SNX29: variants seen among roughly 807,000 people sequenced by gnomAD.
SNX29 encodes the protein sorting nexin-29.
SNX29 carries 78 observed loss-of-function variants against 102.1 expected under a neutral mutation model. That is an observed-to-expected ratio of 0.76 (90% confidence interval 0.64 to 0.92). The LOEUF (loss-of-function observed/expected upper bound fraction) is 0.92, where lower values mean the gene tolerates loss of function less well. SNX29 is among the 40% of genes least tolerant of loss of function. The pLI is 0.00. For synonymous variants in SNX29, 580 were observed against 414.5 expected, an observed-to-expected ratio of 1.40 and a Z score of -4.85; for missense variants, 1,280 against 1,061.7, an observed-to-expected ratio of 1.21 and a Z score of -2.86.
intron 19 of SNX29, among the ~76,000 whole-genome samples, chr16:12,510,737 C>T (rs373501451): frequency 3.9e-5 from 6 of 152,072 alleles, no homozygotes; most frequent in Non-Finnish European, 7.4e-5. Flanking sequence ...TCCCCCACCC[C>T]CCAGCTGTCC....
chr16:12,411,166 A>G (rs894730050), intron 18 of SNX29, among the ~76,000 whole-genome samples: 2 of 152,182 alleles, frequency 1.3e-5, no homozygotes, highest in African/African-American at 4.8e-5. Flanking sequence ...AGGCTGAAGC[A>G]TTTCTCTCTT....
intron 1 of SNX29, among the ~76,000 whole-genome samples, chr16:11,980,152 A>G (rs73513691): frequency 0.013 from 1,997 of 152,198 alleles, 53 homozygotes; most frequent in African/African-American, 0.045. Flanking sequence ...CTTTGTACCC[A>G]TTAGCAGTCA....
chr16:12,233,037 G>A (rs2077816880), intron 14 of SNX29, among the ~76,000 whole-genome samples: 1 of 152,210 alleles, frequency 6.6e-6, no homozygotes, highest in African/African-American at 2.4e-5. Context: ...CTGGATGAGA[G>A]ATGGAAGAGC....
At chr16:12,502,911 A>G (rs1170732519) in intron 19 of SNX29, among the ~76,000 whole-genome samples, 1 of 152,194 alleles carries the variant, frequency 6.6e-6, no homozygotes, top group Non-Finnish European at 1.5e-5. Flanking sequence ...CTGCCAGTAG[A>G]TCTTGTTATT....
At chr16:12,439,840 G>C (rs1229005466) in intron 18 of SNX29, among the ~76,000 whole-genome samples, 1 of 152,180 alleles carries the variant, frequency 6.6e-6, no homozygotes, top group East Asian at 1.9e-4. Context: ...CTGCAGTGGG[G>C]GAAGAGCACT....
intron 20 of SNX29, among the ~76,000 whole-genome samples, chr16:12,546,855 C>T (rs1437392188): frequency 6.6e-6 from 1 of 152,174 alleles, no homozygotes; most frequent in Admixed American, 6.5e-5. Flanking sequence ...TATACAGTCA[C>T]CAGTAAGATC....
At chr16:12,424,203 T>C (rs534264681) in intron 18 of SNX29, among the ~76,000 whole-genome samples, 1 of 152,248 alleles carries the variant, frequency 6.6e-6, no homozygotes, top group East Asian at 1.9e-4. Context: ...TCGATCTCTA[T>C]CACGGGTAAA....
At chr16:12,466,670 A>G (rs1289458593) in intron 18 of SNX29, among the ~76,000 whole-genome samples, 1 of 152,184 alleles carries the variant, frequency 6.6e-6, no homozygotes, top group Admixed American at 6.5e-5. Context: ...CCCAACAGCC[A>G]TGAACCAAAG....
At chr16:12,562,152 T>G (rs989576347) in intron 20 of SNX29, among the ~76,000 whole-genome samples, 1 of 152,060 alleles carries the variant, frequency 6.6e-6, no homozygotes, top group Non-Finnish European at 1.5e-5. Flanking sequence ...CAATACCAGG[T>G]CTGTGGAGTA....
chr16:12,287,691 G>C lies in SNX29; in HGVS notation c.1782+9655G>C, dbSNP rs12103117. On this transcript the variant is annotated intron_variant, in intron 15 of 20. Coordinates refer to ENST00000566228, the MANE Select transcript of SNX29 (RefSeq NM_032167.5). ...TCCTTAGTATTGTCAAATATCTGGT[G>C]AGTGTTCAAATTTGTAGTTTAAACA... Among the ~76,000 whole-genome samples, 915 of 152,334 alleles carry C rather than the reference G, an allele frequency of 6.0e-3. 8 individuals are homozygous for C. The highest frequency in any genetic ancestry group is 0.021 in the African/African-American group (863 of 41,576).
chr16:12,466,581 C>G (rs138387491), intron 18 of SNX29, among the ~76,000 whole-genome samples: 7 of 152,196 alleles, frequency 4.6e-5, no homozygotes, highest in Non-Finnish European at 8.8e-5. Context: ...TTGAAAGGGG[C>G]CTTCATGCCT....
intron 1 of SNX29, among the ~76,000 whole-genome samples, chr16:11,984,862 C>T (rs2055550686): frequency 6.6e-6 from 1 of 152,050 alleles, no homozygotes; most frequent in African/African-American, 2.4e-5. Context: ...AGTATATTGC[C>T]CGAGCTGGTC....
intron 20 of SNX29, among the ~76,000 whole-genome samples, chr16:12,538,731 G>A (rs1455272896): frequency 1.3e-5 from 2 of 152,124 alleles, no homozygotes; most frequent in East Asian, 1.9e-4. Flanking sequence ...AGCACAGACA[G>A]GAGAAGCACA....
chr16:12,117,285 C>T (rs111716651), intron 11 of SNX29, among the ~76,000 whole-genome samples: 4 of 144,964 alleles, frequency 2.8e-5, no homozygotes, highest in African/African-American at 1.0e-4. Flanking sequence ...TGCTTCAACG[C>T]GGACGAACCG....
intron 5 of SNX29, among the ~76,000 whole-genome samples, chr16:12,043,739 A>ATT (rs201568046): frequency 1.6e-5 from 2 of 126,974 alleles, no homozygotes; most frequent in African/African-American, 2.8e-5. Context: ...GAAGGAAGTC[A>ATT]TTTTTTTTGT....
At chr16:12,230,819 C>CATAT (rs746223562) in intron 14 of SNX29, among the ~76,000 whole-genome samples, 5 of 150,286 alleles carry the variant, frequency 3.3e-5, no homozygotes, top group Non-Finnish European at 4.4e-5. Context: ...TGTAATAAGT[C>CATAT]GTATGTATGT....
At chr16:12,215,935 G>T (rs1331481020) in intron 14 of SNX29, among the ~76,000 whole-genome samples, 1 of 152,252 alleles carries the variant, frequency 6.6e-6, no homozygotes, top group East Asian at 1.9e-4. Flanking sequence ...ATCAGGAGTG[G>T]TGCGTGCACA....
intron 1 of SNX29, among the ~76,000 whole-genome samples, chr16:11,987,660 G>C (rs1596532769): frequency 6.6e-6 from 1 of 152,266 alleles, no homozygotes; most frequent in Middle Eastern, 3.4e-3. Flanking sequence ...TTCCCAAAGT[G>C]CTGGGATTAC....
chr16:11,980,435 A>G (rs574057957), intron 1 of SNX29, among the ~76,000 whole-genome samples: 22 of 152,262 alleles, frequency 1.4e-4, no homozygotes, highest in Admixed American at 1.1e-3. Flanking sequence ...AGTTGTTTCT[A>G]CTTTTTAGCT....
Sources: gnomAD v4.1 joint callset for allele counts (sites outside exome capture counted in the v4.1 genomes callset) on GRCh38, gnomAD v4.1.1 for gene constraint, MANE v1.5 for transcripts, NCBI Gene and HGNC (gene_info 2026-07-23, HGNC 2026-07-21) for gene names.